Variants in SLC45A4 observed in about 807,000 individuals in gnomAD.
SLC45A4 encodes the protein solute carrier family 45 member 4.
A neutral mutation model predicts 63.7 loss-of-function variants in SLC45A4; 32 were observed. That is an observed-to-expected ratio of 0.50 (90% confidence interval 0.38 to 0.67). SLC45A4 has a LOEUF of 0.67. SLC45A4 is among the 30% of genes least tolerant of loss of function. SLC45A4 has a pLI of 0.00. For synonymous variants in SLC45A4, 535 were observed against 510.0 expected, an observed-to-expected ratio of 1.05 and a Z score of -0.66; for missense variants, 1,027 against 1,157.7, an observed-to-expected ratio of 0.89 and a Z score of 1.64.
rs1589767076 is a variant in SLC45A4, at chr8:141,218,995, C to G, written c.645G>C (p.Gly215=). The G allele has an allele frequency of 6.2e-7, 1 of 1,613,136 alleles. No individual in the cohort carries two copies. The highest frequency in any genetic ancestry group is 8.5e-7 in the Non-Finnish European group (1 of 1,179,808). The change falls in exon 5 of 9, where the codon GGG becomes GGC. Residue 215 remains glycine (G), a synonymous_variant. Coordinates refer to ENST00000517878, the MANE Select transcript of SLC45A4 (RefSeq NM_001286646.2). The part of the protein sequence containing the change: ...LGGAIGYVLG[G]LDWTQTFLGS... ...CCAGGAAGGTCTGGGTCCAGTCCAG[C>G]CCACCCAGCACGTAGCCGATGGCTC...
intron 2 of SLC45A4, among the ~76,000 whole-genome samples, chr8:141,236,874 C>T (rs925334186): frequency 6.6e-6 from 1 of 152,198 alleles, no homozygotes; most frequent in Admixed American, 6.5e-5. Context: ...GGAGGGCTGG[C>T]CAGAGGGTAG....
intron 2 of SLC45A4, among the ~76,000 whole-genome samples, chr8:141,247,617 G>A (rs1828279718): frequency 6.6e-6 from 1 of 152,164 alleles, no homozygotes; most frequent in African/African-American, 2.4e-5. Flanking sequence ...TTGCTGTGTT[G>A]CCTAGGATGG....
rs1029520433 is a variant in SLC45A4, at chr8:141,237,687, G to A, written c.242-15922C>T. ...CCCTCCATGCCTTCCCCGAAGTGGCGCTCCACGATCCCTGGAGCGAGTGCT... is the reference window on the plus strand; with the variant it reads ...CCCTCCATGCCTTCCCCGAAGTGGCACTCCACGATCCCTGGAGCGAGTGCT... On this transcript the variant is annotated intron_variant, in intron 2 of 8. Coordinates refer to ENST00000517878, the MANE Select transcript of SLC45A4 (RefSeq NM_001286646.2). 1.4e-4 allele frequency among the ~76,000 whole-genome samples: 22 copies of A among 152,116 alleles called. No homozygotes were observed. In the South Asian group the frequency reaches 2.3e-3, roughly 16 times the overall value.
intron 2 of SLC45A4, among the ~76,000 whole-genome samples, chr8:141,242,106 G>A (rs1372504181): frequency 6.6e-6 from 1 of 152,234 alleles, no homozygotes; most frequent in African/African-American, 2.4e-5. Context: ...CCCGCCAAGT[G>A]TGGCCATCAT....
Position 141,263,484 on chromosome 8 carries a change from A to T in SLC45A4, c.-400-8855T>A, listed in dbSNP as rs1020413970. ...GTGTTTACTTAGAAAATCAAGGGTC[A>T]TGGCCGGGCGCAGTGGCTCATGCCT... On this transcript the variant is annotated intron_variant, in intron 1 of 8. Coordinates refer to ENST00000517878, the MANE Select transcript of SLC45A4 (RefSeq NM_001286646.2). 7.9e-5 allele frequency among the ~76,000 whole-genome samples: 12 copies of T among 152,018 alleles called. 1 individual carries two copies. Among genetic ancestry groups the T allele is most frequent in the Non-Finnish European group, 2.9e-5 (2 of 68,008 alleles).
intron 2 of SLC45A4, among the ~76,000 whole-genome samples, chr8:141,222,857 G>A (rs1028510621): frequency 3.3e-5 from 5 of 152,238 alleles, no homozygotes; most frequent in Non-Finnish European, 7.3e-5. Context: ...CTGAAGCGGG[G>A]TCGGGTGTCT....
In SLC45A4 at chr8:141,254,953, A is replaced by C. The variant is rs1828701194; in HGVS notation, c.-400-324T>G. Among the ~76,000 whole-genome samples, 1 of 152,240 alleles carries C rather than the reference A, an allele frequency of 6.6e-6. No individual in the cohort carries two copies. The highest frequency in any genetic ancestry group is 2.4e-5 in the African/African-American group (1 of 41,466). ...CAATATCGTCCACCCTGTGTACCAC[A>C]GCACGTAACTATTCCAGCAGGCTGG... On this transcript the variant is annotated intron_variant, in intron 1 of 8. Coordinates refer to ENST00000517878, the MANE Select transcript of SLC45A4 (RefSeq NM_001286646.2). This position sits in a 1 kb window ranked among gnomAD's most constrained non-coding sequence, Gnocchi z 4.5.
At chr8:141,300,334 T>C (rs1043754309) in intron 1 of SLC45A4, among the ~76,000 whole-genome samples, 4 of 152,246 alleles carry the variant, frequency 2.6e-5, no homozygotes, top group African/African-American at 9.6e-5. Flanking sequence ...CTCAGCGTGC[T>C]GTTTCTGAGT....
chr8:141,271,607 A>T (rs1205104362), intron 1 of SLC45A4, among the ~76,000 whole-genome samples: 1 of 152,166 alleles, frequency 6.6e-6, no homozygotes, highest in Non-Finnish European at 1.5e-5. Flanking sequence ...TCCTGACCCC[A>T]TTTCAGAAGG....
At chr8:141,269,111 T>C (rs1401592407) in intron 1 of SLC45A4, among the ~76,000 whole-genome samples, 1 of 152,130 alleles carries the variant, frequency 6.6e-6, no homozygotes, top group African/African-American at 2.4e-5. Context: ...ATACGCTGTA[T>C]AGGGAGCGCC....
intron 1 of SLC45A4, among the ~76,000 whole-genome samples, chr8:141,306,917 A>C (rs2154615551): frequency 6.6e-6 from 1 of 152,354 alleles, no homozygotes; most frequent in African/African-American, 2.4e-5. Context: ...ATAGACTGGA[A>C]AAGACAGCCC....
chr8:141,232,812 G>A (rs962546626), intron 2 of SLC45A4, among the ~76,000 whole-genome samples: 5 of 151,774 alleles, frequency 3.3e-5, no homozygotes, highest in Admixed American at 2.6e-4. Flanking sequence ...GAGCGCTCGC[G>A]AGCTGCAACG....
chr8:141,262,915 A>T (rs201148442), intron 1 of SLC45A4, among the ~76,000 whole-genome samples: 3 of 151,374 alleles, frequency 2.0e-5, no homozygotes, highest in Non-Finnish European at 4.4e-5. Context: ...ACATGCACAC[A>T]TATGTTTATT....
At chr8:141,274,842 C>T (rs4961347) in intron 1 of SLC45A4, among the ~76,000 whole-genome samples, 50,811 of 151,932 alleles carry the variant, frequency 0.33, 8,879 homozygotes, top group East Asian at 0.48. Flanking sequence ...CTGTGGCCCT[C>T]TGCAAAACCC....
intron 1 of SLC45A4, among the ~76,000 whole-genome samples, chr8:141,261,517 C>T (rs966094086): frequency 6.6e-6 from 1 of 152,172 alleles, no homozygotes; most frequent in African/African-American, 2.4e-5. Context: ...TAAGCAACTT[C>T]AGCAAAGTCT....
Position 141,219,013 on chromosome 8 carries a change from G to T in SLC45A4, c.627C>A (p.Ile209=). 1 of 1,611,482 alleles carries T rather than the reference G, an allele frequency of 6.2e-7. No homozygotes were observed. Among genetic ancestry groups the T allele is most frequent in the Non-Finnish European group, 8.5e-7 (1 of 1,178,686 alleles). The change falls in exon 5 of 9, where the codon ATC becomes ATA. Residue 209 remains isoleucine, a synonymous_variant. Coordinates refer to ENST00000517878, the MANE Select transcript of SLC45A4 (RefSeq NM_001286646.2). ...HAFSAGLGGA[I]GYVLGGLDWT... is the part of the protein sequence containing the mutation. ...AGTCCAGCCCACCCAGCACGTAGCC[G>T]ATGGCTCCGCCGAGGCCTGCGTGGG... is the stretch of plus-strand genomic sequence containing the variant.
At chr8:141,267,305 G>T (rs1044207707) in intron 1 of SLC45A4, among the ~76,000 whole-genome samples, 1 of 152,260 alleles carries the variant, frequency 6.6e-6, no homozygotes, top group African/African-American at 2.4e-5. Context: ...GGCCTGCGTG[G>T]CTACACAGTG....
chr8:141,228,119 G>C (rs558609399), intron 2 of SLC45A4: 8 of 1,604,442 alleles, frequency 5.0e-6, no homozygotes, highest in Non-Finnish European at 6.8e-6. Context: ...GTGGCTCACC[G>C]CAAGCTTTAG....
chr8:141,269,817 A>T (rs535122713), intron 1 of SLC45A4, among the ~76,000 whole-genome samples: 1 of 152,260 alleles, frequency 6.6e-6, no homozygotes, highest in East Asian at 1.9e-4. Context: ...TGTTTGTAAA[A>T]TACCCTAAGT....
Sources: gnomAD v4.1 joint callset for allele counts (sites outside exome capture counted in the v4.1 genomes callset) on GRCh38, gnomAD v4.1.1 for gene constraint, Gnocchi (gnomAD v3.1) non-coding constraint, MANE v1.5 for transcripts, NCBI Gene and HGNC (gene_info 2026-07-23, HGNC 2026-07-21) for gene names.